The following HOXD11 variants were observed in gnomAD, a reference collection of about 807,000 sequenced individuals.
HOXD11 encodes homeobox D11.
Under a neutral mutation model 23.1 loss-of-function variants are expected in HOXD11, and 16 were observed. That is an observed-to-expected ratio of 0.69 (90% CI 0.47 to 1.05). The LOEUF is 1.05. Among genes scored for constraint, HOXD11 ranks in the 50% least tolerant of loss-of-function variants. The pLI, the probability that HOXD11 is intolerant of heterozygous loss-of-function variation, is 0.00. For missense variants in HOXD11, 564 were observed against 495.6 expected (o/e 1.14, Z -1.31); for synonymous variants, 262 against 224.4 (o/e 1.17, Z -1.50).
chr2:176,107,724 G>C lies in HOXD11; in HGVS notation c.369G>C (p.Ala123=). 1.7e-6 allele frequency: 2 copies of C among 1,151,412 alleles called. No individual in the cohort carries two copies. The highest frequency in any genetic ancestry group is 2.1e-6 in the Non-Finnish European group (2 of 939,716). 71.3% of individuals were successfully genotyped at this position (1,151,412 alleles called of 1,614,324 possible). ...CGGCGGCCGCGGCGGCCGAGGAGGC[G>C]GCCATGCAACGCGAGCTTCTCCCGC... ...AAAAAAAAEE[A]AMQRELLPPA... Residue 123 remains alanine, a synonymous_variant, in exon 1 of 2, where the codon GCG becomes GCC. Coordinates refer to ENST00000249504, the MANE Select transcript of HOXD11 (RefSeq NM_021192.3).
chr2:176,114,238 T>C (rs1689717331), downstream of HOXD11, among the ~76,000 whole-genome samples: 1 of 152,226 alleles, frequency 6.6e-6, no homozygotes, highest in African/African-American at 2.4e-5. Context: ...AGATCTCTAC[T>C]ATGTGAGAAA....
chr2:176,107,408 G>C lies in HOXD11; in HGVS notation c.53G>C (p.Gly18Ala). ...GQSAASMYLPGCAYYVAPSDF... is the reference protein window; with the variant it reads ...GQSAASMYLPACAYYVAPSDF... The stretch of plus-strand genomic sequence containing the variant: ...AGCGCAGCCAGCATGTACCTGCCGG[G>C]CTGCGCCTACTATGTGGCCCCGTCT... Residue 18 changes from glycine to alanine, a missense_variant, in exon 1 of 2, where the codon GGC (glycine) becomes GCC (alanine). By Grantham distance (60) the Gly-to-Ala change is moderately conservative. Transcript: ENST00000249504. 1 of 1,613,658 alleles carries C rather than the reference G, an allele frequency of 6.2e-7. No homozygotes were observed. The highest frequency in any genetic ancestry group is 1.1e-5 in the South Asian group (1 of 91,020).
At position 176,107,403 on chromosome 2, in the gene HOXD11, G is replaced by A; in HGVS notation, c.48G>A (p.Leu16=). The change falls in exon 1 of 2, where the codon CTG becomes CTA. Residue 16 remains leucine, a synonymous_variant. Coordinates refer to ENST00000249504, the MANE Select transcript of HOXD11 (RefSeq NM_021192.3). ...ECGQSAASMY[L]PGCAYYVAPS... ...GCCAGAGCGCAGCCAGCATGTACCT[G>A]CCGGGCTGCGCCTACTATGTGGCCC... 6.2e-7 allele frequency: 1 copy of A among 1,613,498 alleles called. No homozygotes were observed. Among genetic ancestry groups the A allele is most frequent in the Non-Finnish European group, 8.5e-7 (1 of 1,179,796 alleles).
At chr2:176,113,077 A>T (rs1689699915), downstream of HOXD11, among the ~76,000 whole-genome samples, 1 of 152,110 alleles carries the variant, frequency 6.6e-6, no homozygotes, top group Non-Finnish European at 1.5e-5. Flanking sequence ...TAGACCCCTT[A>T]TTGCATTGGT....
chr2:176,110,401 A>C (rs997044700), downstream of HOXD11, among the ~76,000 whole-genome samples: 2 of 152,228 alleles, frequency 1.3e-5, no homozygotes, highest in African/African-American at 4.8e-5. Context: ...TGTGCAATAA[A>C]CTGGAGAAGT....
downstream of HOXD11, among the ~76,000 whole-genome samples, chr2:176,112,299 C>T (rs10754985): frequency 0.27 from 41,054 of 152,128 alleles, 5,879 homozygotes; most frequent in African/African-American, 0.34. Flanking sequence ...AAGCCCCTGA[C>T]CTTGGGGAGG....
At chr2:176,109,906 A>G (rs1411646887), downstream of HOXD11, among the ~76,000 whole-genome samples, 1 of 152,196 alleles carries the variant, frequency 6.6e-6, no homozygotes, top group Non-Finnish European at 1.5e-5. Context: ...GCAGGAACCT[A>G]AGAAGAAAAC....
At chr2:176,114,105 A>T (rs711818), downstream of HOXD11, among the ~76,000 whole-genome samples, 1 of 152,128 alleles carries the variant, frequency 6.6e-6, no homozygotes, top group East Asian at 1.9e-4. Context: ...TCTTCTGGCC[A>T]AGAGGCAAAA....
chr2:176,111,896 G>C (rs1372637445), downstream of HOXD11, among the ~76,000 whole-genome samples: 1 of 139,350 alleles, frequency 7.2e-6, no homozygotes, highest in Non-Finnish European at 1.5e-5. Flanking sequence ...ATGATTAAAA[G>C]GCTTTTGTTT....
chr2:176,107,378 G>T lies in HOXD11; in HGVS notation c.23G>T (p.Gly8Val), dbSNP rs1343204336. 4 of 1,610,358 alleles carry T rather than the reference G, an allele frequency of 2.5e-6. No homozygotes were observed. The highest frequency in any genetic ancestry group is 3.4e-6 in the Non-Finnish European group (4 of 1,178,658). Reference protein sequence around the residue: MNDFDECGQSAASMYLPG... With the variant: MNDFDECVQSAASMYLPG... ...GTCATGAACGACTTTGACGAGTGCG[G>T]CCAGAGCGCAGCCAGCATGTACCTG... Residue 8 changes from glycine to valine, a missense_variant, in exon 1 of 2, where the codon GGC becomes GTC. Transcript: ENST00000249504.
At position 176,107,804 on chromosome 2, in the gene HOXD11, C is replaced by T. The variant is rs756883647; in HGVS notation, c.449C>T (p.Ala150Val). 3.6e-6 allele frequency: 5 copies of T among 1,393,046 alleles called. 1 individual carries two copies. In the South Asian group the frequency reaches 5.9e-5, roughly 17 times the overall value. 86.3% of individuals were successfully genotyped at this position (1,393,046 alleles called of 1,614,324 possible). A position where few individuals can be genotyped will look rare whatever the true frequency, so the allele number is the denominator to read the frequency against. ...AAGGCGCCTGAGCCGGTGTGCGCTG[C>T]GCCGGGGCCGCCGCACGGCCCCGCG... The part of the protein sequence containing the change: ...LFKAPEPVCA[A>V]PGPPHGPAGA... The change falls in exon 1 of 2, where the codon GCG becomes GTG. Residue 150 changes from alanine to valine, a missense_variant. Coordinates refer to ENST00000249504, the MANE Select transcript of HOXD11 (RefSeq NM_021192.3).
rs768351132 is a variant in HOXD11 at position 176,107,921 on chromosome 2, C to G, written c.566C>G (p.Pro189Arg). The change falls in exon 1 of 2, where the codon CCG (proline) becomes CGG (arginine). Residue 189 changes from proline to arginine, a missense_variant. Coordinates refer to ENST00000249504, the MANE Select transcript of HOXD11 (RefSeq NM_021192.3). ...DQFYEAAPGP[P>R]FAGPQPPPPP... ...TTCTACGAGGCAGCGCCCGGGCCCC[C>G]GTTCGCCGGGCCGCAGCCCCCGCCG... is the stretch of plus-strand genomic sequence containing the variant. The G allele has an allele frequency of 7.0e-6, 10 of 1,426,634 alleles. No homozygotes were observed. The highest frequency in any genetic ancestry group is 6.4e-6 in the Non-Finnish European group (7 of 1,090,236). The allele number at this position is 1,426,634 out of a possible 1,614,324, so 88.4% of individuals were successfully genotyped here.
At chr2:176,108,178 C>CG in intron 1 of HOXD11, 42 bp downstream of exon 1, 1 of 12,634 alleles carries the variant, frequency 7.9e-5, no homozygotes, top group Non-Finnish European at 1.2e-4. Context: ...CCGGGGGCCG[C>CG]GGGGGAGGGG....
chr2:176,110,350 T>C (rs1689656896), downstream of HOXD11, among the ~76,000 whole-genome samples: 1 of 152,204 alleles, frequency 6.6e-6, no homozygotes, highest in Non-Finnish European at 1.5e-5. Context: ...AATTGGGTTA[T>C]ATTATACACC....
downstream of HOXD11, among the ~76,000 whole-genome samples, chr2:176,113,277 C>T (rs533878500): frequency 6.6e-6 from 1 of 152,346 alleles, no homozygotes; most frequent in Admixed American, 6.5e-5. Flanking sequence ...CAGGTCCACT[C>T]AGGCCCAGGG....
chr2:176,111,476 A>G (rs982698105), downstream of HOXD11: 2 of 151,820 alleles, frequency 1.3e-5, no homozygotes, highest in African/African-American at 2.4e-5. Flanking sequence ...ACTGGATTCT[A>G]ATAGGCGACC....
chr2:176,112,041 C>T (rs934367692), downstream of HOXD11, among the ~76,000 whole-genome samples: 1 of 152,052 alleles, frequency 6.6e-6, no homozygotes, highest in African/African-American at 2.4e-5. Context: ...GACCGAGTGG[C>T]GCCGGCAGGA....
At chr2:176,108,577 C>G (rs1388714215) in intron 1 of HOXD11, among the ~76,000 whole-genome samples, 1 of 151,996 alleles carries the variant, frequency 6.6e-6, no homozygotes, top group Admixed American at 6.6e-5. Context: ...GATGCCCCGG[C>G]GGGCCTGCTC....
rs1574950042 is a variant in HOXD11, at chr2:176,109,157, G to A, written c.*15G>A. Reference sequence around the variant, plus strand: ...CCTTATTTTGAGAGCTCCAGGAAGCGCCCTCACCCCAGCCCCACTCACCCA... The same window carrying A: ...CCTTATTTTGAGAGCTCCAGGAAGCACCCTCACCCCAGCCCCACTCACCCA... On this transcript the variant is annotated 3_prime_UTR_variant, in exon 2 of 2. Coordinates refer to ENST00000249504, the MANE Select transcript of HOXD11 (RefSeq NM_021192.3). 1 of 1,530,322 alleles carries A rather than the reference G, an allele frequency of 6.5e-7. No individual in the cohort carries two copies. The highest frequency in any genetic ancestry group is 1.4e-5 in the African/African-American group (1 of 73,204). The allele number at this position is 1,530,322 out of a possible 1,614,324, so 94.8% of individuals were successfully genotyped here. A position where few individuals can be genotyped will look rare whatever the true frequency, so the allele number is the denominator to read the frequency against.
Sources: allele counts gnomAD v4.1 joint callset (sites outside exome capture counted in the v4.1 genomes callset), GRCh38; gene constraint gnomAD v4.1.1; transcripts MANE v1.5; gene names NCBI Gene and HGNC (gene_info 2026-07-23, HGNC 2026-07-21).